Variants in ARHGAP28 observed in about 807,000 individuals in gnomAD.
ARHGAP28 encodes rho GTPase-activating protein 28.
A neutral mutation model predicts 90.7 loss-of-function variants in ARHGAP28; 56 were observed. The ratio of observed to expected loss-of-function variants is 0.62; its 90% CI spans 0.50 to 0.77. The LOEUF (loss-of-function observed/expected upper bound fraction) is 0.77. Ranked by LOEUF, ARHGAP28 falls within the 30% of genes least tolerant of loss-of-function variation. The pLI is 0.00. For missense variants in ARHGAP28, 869 were observed against 900.9 expected (o/e 0.96, Z 0.45); for synonymous variants, 308 against 323.3 (o/e 0.95, Z 0.51).
intron 2 of ARHGAP28, 24 bp downstream of exon 2, chr18:6,824,988 T>C (rs1326962686): frequency 5.1e-5 from 77 of 1,515,362 alleles, no homozygotes; most frequent in Non-Finnish European, 6.5e-5. Context: ...TTTGTCTTCC[T>C]ATGTGCTGAC....
intron 1 of ARHGAP28, among the ~76,000 whole-genome samples, chr18:6,732,560 T>C (rs2055891590): frequency 6.6e-6 from 1 of 152,222 alleles, no homozygotes; most frequent in Non-Finnish European, 1.5e-5. Flanking sequence ...CATCCCTAGC[T>C]GAAGCTGAGC....
rs180817806 is a variant in ARHGAP28, at chr18:6,758,910, T to C, written c.122+28967T>C. ...ATGGCATAGTACTGCTTTAGATTTG[T>C]TGTGAAATAATGTGGAACTTGTTGC... On this transcript the variant is annotated intron_variant, in intron 1 of 17. Transcript: ENST00000383472. 3.9e-5 allele frequency among the ~76,000 whole-genome samples: 6 copies of C among 152,352 alleles called. No homozygotes were observed. In the East Asian group the frequency reaches 9.6e-4, roughly 24 times the overall value.
At chr18:6,852,380 T>G (rs60419834) in intron 4 of ARHGAP28, among the ~76,000 whole-genome samples, 12,472 of 152,200 alleles carry the variant, frequency 0.082, 1,051 homozygotes, top group East Asian at 0.28. Flanking sequence ...TGTAAAATAA[T>G]CCTTCTAGTT....
chr18:6,748,020 A>G (rs1328572980), intron 1 of ARHGAP28, among the ~76,000 whole-genome samples: 1 of 152,236 alleles, frequency 6.6e-6, no homozygotes, highest in Non-Finnish European at 1.5e-5. Flanking sequence ...AATATTACTA[A>G]TAACAGAGCA....
intron 1 of ARHGAP28, among the ~76,000 whole-genome samples, chr18:6,815,669 T>C (rs1159562874): frequency 2.6e-5 from 4 of 152,136 alleles, no homozygotes; most frequent in Non-Finnish European, 5.9e-5. Flanking sequence ...GTTTGTCATA[T>C]ATAAAGCACA....
At chr18:6,731,053 G>A (rs1477807242) in intron 1 of ARHGAP28, among the ~76,000 whole-genome samples, 6 of 152,120 alleles carry the variant, frequency 3.9e-5, no homozygotes, top group African/African-American at 1.4e-4. Flanking sequence ...GTTGGGCTTG[G>A]CTAACAAAGA....
intron 4 of ARHGAP28, among the ~76,000 whole-genome samples, chr18:6,857,929 G>A (rs1349626748): frequency 5.9e-4 from 90 of 152,316 alleles, no homozygotes; most frequent in Non-Finnish European, 4.4e-5. Context: ...GTGTGAGTAG[G>A]GGGTGCTTAA....
intron 3 of ARHGAP28, among the ~76,000 whole-genome samples, chr18:6,839,392 C>A (rs1212174602): frequency 6.7e-6 from 1 of 150,292 alleles, no homozygotes; most frequent in Non-Finnish European, 1.5e-5. Flanking sequence ...CTCCCGGGTT[C>A]ACGCCATTCT....
chr18:6,895,621 G>C (rs937462397), intron 15 of ARHGAP28, among the ~76,000 whole-genome samples: 6 of 152,198 alleles, frequency 3.9e-5, no homozygotes, highest in Non-Finnish European at 8.8e-5. Flanking sequence ...TTCACATGGT[G>C]TTCTTTCTTG....
intron 1 of ARHGAP28, among the ~76,000 whole-genome samples, chr18:6,758,012 C>T (rs577447676): frequency 6.6e-6 from 1 of 152,274 alleles, no homozygotes; most frequent in Non-Finnish European, 1.5e-5. Context: ...GCTCTGAGAG[C>T]CATTTTCCAA....
intron 1 of ARHGAP28, among the ~76,000 whole-genome samples, chr18:6,793,251 A>G (rs2056418843): frequency 6.6e-6 from 1 of 152,196 alleles, no homozygotes; most frequent in African/African-American, 2.4e-5. Context: ...GTAATTGACT[A>G]CAGAAGGCCT....
intron 5 of ARHGAP28, among the ~76,000 whole-genome samples, chr18:6,865,970 G>T (rs949475794): frequency 6.6e-6 from 1 of 152,052 alleles, no homozygotes; most frequent in African/African-American, 2.4e-5. Flanking sequence ...TTTAAATGGG[G>T]GTGGTCTTTA....
rs1199234838 is a variant in ARHGAP28 at position 6,914,845 on chromosome 18, A to G, written c.*2691A>G. ...ATTCATTGTTTTCCTCCATCCTGCA[A>G]AAGAAGATCCCTTTGTTAAGCAGCT... On this transcript the variant is annotated 3_prime_UTR_variant, in exon 18 of 18. Transcript: ENST00000383472. 1 of 152,734 alleles carries G rather than the reference A, an allele frequency of 6.5e-6. No individual in the cohort carries two copies. Among genetic ancestry groups the G allele is most frequent in the East Asian group, 1.9e-4 (1 of 5,162 alleles). 9.5% of individuals were successfully genotyped at this position (152,734 alleles called of 1,614,324 possible).
intron 1 of ARHGAP28, among the ~76,000 whole-genome samples, chr18:6,780,764 C>T (rs550757411): frequency 1.1e-4 from 16 of 152,040 alleles, no homozygotes; most frequent in African/African-American, 2.2e-4. Flanking sequence ...TCGTGGCAGG[C>T]GCCTGTAATG....
chr18:6,821,909 G>T (rs2056629573), intron 1 of ARHGAP28, among the ~76,000 whole-genome samples: 2 of 152,096 alleles, frequency 1.3e-5, no homozygotes, highest in Admixed American at 1.3e-4. Context: ...CTTGTCTTCT[G>T]TGATTTACCT....
chr18:6,737,776 T>C (rs766156888), intron 1 of ARHGAP28, among the ~76,000 whole-genome samples: 12 of 152,202 alleles, frequency 7.9e-5, no homozygotes, highest in African/African-American at 1.9e-4. Context: ...AAACTTCAAG[T>C]TGCATTAGTC....
intron 1 of ARHGAP28, among the ~76,000 whole-genome samples, chr18:6,776,328 C>G (rs1205950553): frequency 2.0e-5 from 3 of 152,182 alleles, no homozygotes; most frequent in Non-Finnish European, 4.4e-5. Context: ...TGTTTTGAAT[C>G]AGTGCTGCTG....
intron 5 of ARHGAP28, among the ~76,000 whole-genome samples, chr18:6,861,944 T>C (rs142850052): frequency 6.6e-6 from 1 of 152,128 alleles, no homozygotes; most frequent in African/African-American, 2.4e-5. Flanking sequence ...CAGATTTTAT[T>C]TTTATTTTCA....
intron 1 of ARHGAP28, among the ~76,000 whole-genome samples, chr18:6,798,894 C>T (rs537577671): frequency 3.3e-5 from 5 of 152,306 alleles, no homozygotes; most frequent in South Asian, 4.1e-4. Context: ...AATATTTACT[C>T]ATGTGAAGCA....
Sources: gnomAD v4.1 joint callset for allele counts (sites outside exome capture counted in the v4.1 genomes callset) on GRCh38, gnomAD v4.1.1 for gene constraint, MANE v1.5 for transcripts, NCBI Gene and HGNC (gene_info 2026-07-23, HGNC 2026-07-21) for gene names.